The following SPATS2L variants were observed in gnomAD, a reference collection of about 807,000 sequenced individuals.
The protein encoded by SPATS2L is spermatogenesis associated serine rich 2 like.
In SPATS2L, 30 loss-of-function variants were observed where a neutral mutation model predicts 59.6. That is an observed-to-expected ratio of 0.50 (90% CI 0.38 to 0.68). The LOEUF (loss-of-function observed/expected upper bound fraction) is 0.68, where lower values mean the gene tolerates loss of function less well. Among genes scored for constraint, SPATS2L ranks in the 30% least tolerant of loss-of-function variants. SPATS2L has a pLI of 0.00. For synonymous variants in SPATS2L, 252 were observed against 263.5 expected, an observed-to-expected ratio of 0.96 and a Z score of 0.42; for missense variants, 615 against 700.0, an observed-to-expected ratio of 0.88 and a Z score of 1.37.
chr2:200,343,187 A>G (rs760714531), intron 2 of SPATS2L, among the ~76,000 whole-genome samples: 7 of 152,218 alleles, frequency 4.6e-5, no homozygotes, highest in Non-Finnish European at 1.0e-4. Flanking sequence ...GGACTGACCC[A>G]TTTAGAATGT....
At chr2:200,334,389 T>A (rs1257667965) in intron 2 of SPATS2L, among the ~76,000 whole-genome samples, 120 of 152,156 alleles carry the variant, frequency 7.9e-4, no homozygotes, top group Non-Finnish European at 1.9e-4. Context: ...GTTTGAGTTC[T>A]TTGTAGATTC....
At chr2:200,431,133 C>T (rs2083905868) in intron 6 of SPATS2L, among the ~76,000 whole-genome samples, 1 of 152,136 alleles carries the variant, frequency 6.6e-6, no homozygotes, top group African/African-American at 2.4e-5. Context: ...TTATTGGGTT[C>T]AAAGGGTATG....
At chr2:200,390,300 A>G (rs961913988) in intron 3 of SPATS2L, 2 of 152,260 alleles carry the variant, frequency 1.3e-5, no homozygotes, top group Non-Finnish European at 2.9e-5. Flanking sequence ...GGCCCTGAAC[A>G]TGTAGATGAA....
At chr2:200,363,393 G>A (rs980404966) in intron 2 of SPATS2L, among the ~76,000 whole-genome samples, 6 of 152,038 alleles carry the variant, frequency 3.9e-5, no homozygotes, top group African/African-American at 2.4e-5. Context: ...GTCCATATTC[G>A]TCTTCTTCAG....
chr2:200,435,924 TGTA>T (rs202123576), intron 6 of SPATS2L, among the ~76,000 whole-genome samples: 1,900 of 152,304 alleles, frequency 0.012, 33 homozygotes, highest in Non-Finnish European at 0.014. Context: ...CATTTCAACA[TGTA>T]GTCAATCTTT....
chr2:200,423,068 C>T (rs998197585), intron 6 of SPATS2L, among the ~76,000 whole-genome samples: 1 of 152,158 alleles, frequency 6.6e-6, no homozygotes, highest in African/African-American at 2.4e-5. Flanking sequence ...TGACCACATC[C>T]TGGGTAGGAC....
chr2:200,445,213 A>G (rs2084953337), intron 8 of SPATS2L, among the ~76,000 whole-genome samples: 1 of 152,060 alleles, frequency 6.6e-6, no homozygotes, highest in Non-Finnish European at 1.5e-5. Flanking sequence ...CGGGAGGCTG[A>G]GAGTGGGGAG....
At chr2:200,430,715 CTTTTTT>C (rs1179889614) in intron 6 of SPATS2L, among the ~76,000 whole-genome samples, 3 of 127,262 alleles carry the variant, frequency 2.4e-5, no homozygotes, top group Non-Finnish European at 3.3e-5. Flanking sequence ...GAATTGTTTC[CTTTTTT>C]TTTTTTTTTT....
intron 3 of SPATS2L, among the ~76,000 whole-genome samples, chr2:200,392,896 T>G (rs2082214188): frequency 6.6e-6 from 1 of 152,172 alleles, no homozygotes; most frequent in African/African-American, 2.4e-5. Flanking sequence ...CCCCACACAT[T>G]TGGGTGACCA....
chr2:200,350,667 G>T (rs909174638), intron 2 of SPATS2L, among the ~76,000 whole-genome samples: 1 of 152,108 alleles, frequency 6.6e-6, no homozygotes, highest in Non-Finnish European at 1.5e-5. Context: ...GGGACTACAG[G>T]TGTGTGCCAC....
upstream of SPATS2L, chr2:200,306,421 G>A: frequency 1.0e-6 from 1 of 1,002,352 alleles, no homozygotes; most frequent in African/African-American, 1.7e-5. Context: ...CAAGCAAAGT[G>A]CGGAAGCTGT....
intron 12 of SPATS2L, among the ~76,000 whole-genome samples, chr2:200,474,420 G>C (rs2087340610): frequency 6.6e-6 from 1 of 151,754 alleles, no homozygotes; most frequent in Admixed American, 6.6e-5. Context: ...AATCCACCAG[G>C]CTCAGCCTGC....
intron 2 of SPATS2L, among the ~76,000 whole-genome samples, chr2:200,344,920 T>C (rs1446404833): frequency 6.6e-6 from 1 of 152,190 alleles, no homozygotes; most frequent in Non-Finnish European, 1.5e-5. Context: ...TGGGGCTGTT[T>C]TGTTCTTGTA....
chr2:200,335,389 G>GA (rs1425988767), intron 2 of SPATS2L, among the ~76,000 whole-genome samples: 2 of 92,614 alleles, frequency 2.2e-5, no homozygotes, highest in Admixed American at 2.1e-4. Flanking sequence ...AAAAAAAAAA[G>GA]AAAGAAAAAA....
intron 7 of SPATS2L, 124 bp downstream of exon 7, chr2:200,439,452 T>A: frequency 1.3e-6 from 1 of 762,266 alleles, no homozygotes. Context: ...ATTGCATTTT[T>A]TTTTCTGTGA....
chr2:200,311,490 G>A (rs1043325126), intron 1 of SPATS2L, among the ~76,000 whole-genome samples: 5 of 152,300 alleles, frequency 3.3e-5, no homozygotes, highest in African/African-American at 4.8e-5. Context: ...TATTTTATAC[G>A]TCAAACAATT....
chr2:200,335,288 G>T (rs559604574), intron 2 of SPATS2L, among the ~76,000 whole-genome samples: 15 of 152,102 alleles, frequency 9.9e-5, no homozygotes, highest in African/African-American at 3.4e-4. Context: ...TGAGGCGGGA[G>T]AATGGTGTGA....
intron 2 of SPATS2L, among the ~76,000 whole-genome samples, chr2:200,382,721 G>C (rs575417790): frequency 3.9e-5 from 6 of 152,028 alleles, no homozygotes; most frequent in Admixed American, 2.6e-4. Flanking sequence ...CAGTTTCCAC[G>C]TATGTAAAAA....
intron 11 of SPATS2L, among the ~76,000 whole-genome samples, chr2:200,470,762 C>G (rs573815264): frequency 6.6e-6 from 1 of 152,350 alleles, no homozygotes; most frequent in Admixed American, 6.5e-5. Context: ...CTGTACTACA[C>G]TGCATACATA....
Sources: allele counts gnomAD v4.1 joint callset (sites outside exome capture counted in the v4.1 genomes callset), GRCh38; gene constraint gnomAD v4.1.1; transcripts MANE v1.5; gene names NCBI Gene and HGNC (gene_info 2026-07-23, HGNC 2026-07-21).